Variants in SPHKAP observed in about 807,000 individuals in gnomAD.
SPHKAP encodes the protein A-kinase anchor protein SPHKAP.
A neutral mutation model predicts 137.5 loss-of-function variants in SPHKAP; 67 were observed. The observed-to-expected ratio is 0.49, with a 90% CI of 0.40 to 0.60. The LOEUF is 0.60. Ranked by LOEUF, SPHKAP falls within the 20% of genes least tolerant of loss-of-function variation. The pLI, the probability that SPHKAP is intolerant of heterozygous loss-of-function variation, is 0.00. For missense variants in SPHKAP, 2,097 were observed against 2,069.3 expected, an observed-to-expected ratio of 1.01 and a Z score of -0.26; for synonymous variants, 813 against 785.3, an observed-to-expected ratio of 1.04 and a Z score of -0.59.
At chr2:227,981,942 A>G (rs1693011076) in intron 11 of SPHKAP, 82 bp from the exon 12 acceptor site, 13 of 1,493,722 alleles carry the variant, frequency 8.7e-6, no homozygotes, top group Middle Eastern at 1.8e-4. Flanking sequence ...CGCGAAGCCA[A>G]TGGCTCTCCA....
intron 1 of SPHKAP, among the ~76,000 whole-genome samples, chr2:228,162,850 C>T (rs554128212): frequency 6.6e-6 from 1 of 151,594 alleles, no homozygotes; most frequent in South Asian, 2.1e-4. Flanking sequence ...AGGCATGTGC[C>T]ACCACACCTG....
intron 7 of SPHKAP, among the ~76,000 whole-genome samples, chr2:228,004,290 G>GA (rs1369560130): frequency 6.6e-6 from 1 of 152,152 alleles, no homozygotes; most frequent in Non-Finnish European, 1.5e-5. Flanking sequence ...TTAGTCTTGA[G>GA]AGGGTGTATG....
At chr2:228,012,163 CAA>C (rs544782857) in intron 7 of SPHKAP, among the ~76,000 whole-genome samples, 20 of 84,914 alleles carry the variant, frequency 2.4e-4, no homozygotes, top group South Asian at 2.3e-3. Flanking sequence ...GACTCTACCT[CAA>C]AAAAAAAAAA....
At chr2:228,035,856 C>T (rs1319596919) in intron 3 of SPHKAP, among the ~76,000 whole-genome samples, 1 of 152,180 alleles carries the variant, frequency 6.6e-6, no homozygotes, top group African/African-American at 2.4e-5. Context: ...TGGATCCCTT[C>T]CTTATGCCCT....
intron 9 of SPHKAP, among the ~76,000 whole-genome samples, chr2:227,992,611 A>C (rs1389787437): frequency 6.6e-6 from 1 of 152,156 alleles, no homozygotes; most frequent in Non-Finnish European, 1.5e-5. Flanking sequence ...CTTAAAACAA[A>C]AGAAAAGAAA....
At chr2:228,118,830 A>G (rs12468166) in intron 2 of SPHKAP, among the ~76,000 whole-genome samples, 52,297 of 151,978 alleles carry the variant, frequency 0.34, 9,272 homozygotes, top group East Asian at 0.5. Flanking sequence ...TGTACTAGGC[A>G]CTGTTTATTT....
At chr2:228,029,972 C>T (rs1405539072) in intron 3 of SPHKAP, among the ~76,000 whole-genome samples, 1 of 152,128 alleles carries the variant, frequency 6.6e-6, no homozygotes, top group Non-Finnish European at 1.5e-5. Flanking sequence ...TGTCTGCCCT[C>T]CAACATTTTC....
rs202068655 is a variant in SPHKAP, at chr2:228,016,828, C to T, written c.4026G>A (p.Ser1342=). 52 of 1,613,930 alleles carry T rather than the reference C, an allele frequency of 3.2e-5. No individual in the cohort carries two copies. In the Admixed American group the frequency reaches 6.3e-4, roughly 20 times the overall value. The change falls in exon 7 of 12, where the codon TCG becomes TCA. Residue 1342 remains serine (S), a synonymous_variant. Transcript: ENST00000392056. The stretch of plus-strand genomic sequence containing the variant: ...ATCTATTTGCACACTTCTCTGCTTG[C>T]GAGGGAGAGCCACCAGAAACAGGCT... ...DTEPVSGGSP[S]QAEKCANRLA...
chr2:228,078,422 T>C (rs1228289701), intron 3 of SPHKAP, among the ~76,000 whole-genome samples: 1 of 151,110 alleles, frequency 6.6e-6, no homozygotes, highest in Non-Finnish European at 1.5e-5. Context: ...GTAGTAAGTA[T>C]TTTCAACATA....
At chr2:228,156,623 T>C (rs747549562) in intron 1 of SPHKAP, among the ~76,000 whole-genome samples, 1 of 152,240 alleles carries the variant, frequency 6.6e-6, no homozygotes. Context: ...TAGCTACTGA[T>C]ATGGTTTGGC....
intron 3 of SPHKAP, among the ~76,000 whole-genome samples, chr2:228,029,379 T>G (rs573937754): frequency 6.6e-6 from 1 of 152,346 alleles, no homozygotes; most frequent in East Asian, 1.9e-4. Context: ...GGAAAGGTTT[T>G]GAGAAAGATC....
intron 3 of SPHKAP, among the ~76,000 whole-genome samples, chr2:228,101,717 T>C (rs907824596): frequency 1.3e-5 from 2 of 152,190 alleles, no homozygotes; most frequent in Non-Finnish European, 2.9e-5. Context: ...AAGGGGAGCC[T>C]ATGGGGTTCA....
At chr2:228,106,150 A>G (rs1698338397) in intron 3 of SPHKAP, among the ~76,000 whole-genome samples, 1 of 152,222 alleles carries the variant, frequency 6.6e-6, no homozygotes, top group East Asian at 1.9e-4. Context: ...AAATATGCAC[A>G]CAACCCTCTC....
intron 3 of SPHKAP, among the ~76,000 whole-genome samples, chr2:228,056,738 A>C (rs1696460782): frequency 6.6e-6 from 1 of 152,212 alleles, no homozygotes; most frequent in African/African-American, 2.4e-5. Flanking sequence ...CAACTATCAG[A>C]CAACTTTAAA....
chr2:227,996,843 TG>T (rs769673930), intron 7 of SPHKAP, among the ~76,000 whole-genome samples: 17 of 152,220 alleles, frequency 1.1e-4, no homozygotes, highest in Non-Finnish European at 1.2e-4. Context: ...TTACTTTTAA[TG>T]GCAAAACCCT....
chr2:228,160,665 G>A (rs1056825843), intron 1 of SPHKAP, among the ~76,000 whole-genome samples: 1 of 152,168 alleles, frequency 6.6e-6, no homozygotes, highest in African/African-American at 2.4e-5. Context: ...GATAAGATTT[G>A]GGTGGGGACA....
intron 7 of SPHKAP, among the ~76,000 whole-genome samples, chr2:228,011,733 T>C (rs902940466): frequency 6.6e-6 from 1 of 152,184 alleles, no homozygotes; most frequent in African/African-American, 2.4e-5. Flanking sequence ...ATTGTATCTA[T>C]TATACGGGGT....
intron 3 of SPHKAP, among the ~76,000 whole-genome samples, chr2:228,093,868 AAAAAAAAAAAAAAAAAAAC>A (rs1318302687): frequency 6.7e-6 from 1 of 150,246 alleles, no homozygotes; most frequent in Non-Finnish European, 1.5e-5. Flanking sequence ...TCAAAAAAAA[AAAAAAAAAAAAAAAAAAAC>A]AAAGCTATTG....
At chr2:228,121,351 T>C (rs1159741873) in intron 2 of SPHKAP, among the ~76,000 whole-genome samples, 2 of 151,846 alleles carry the variant, frequency 1.3e-5, no homozygotes, top group Non-Finnish European at 2.9e-5. Context: ...CTCTACAAAA[T>C]AATAAAAACA....
Sources: gnomAD v4.1 joint callset for allele counts (sites outside exome capture counted in the v4.1 genomes callset) on GRCh38, gnomAD v4.1.1 for gene constraint, MANE v1.5 for transcripts, NCBI Gene and HGNC (gene_info 2026-07-23, HGNC 2026-07-21) for gene names.